Variants in GREB1 observed in about 807,000 individuals in gnomAD.
The protein encoded by GREB1 is protein GREB1.
GREB1 carries 106 observed loss-of-function variants against 200.7 expected under a neutral mutation model. The observed-to-expected ratio is 0.53, with a 90% CI of 0.45 to 0.62. The LOEUF (loss-of-function observed/expected upper bound fraction) is 0.62, where lower values mean the gene tolerates loss of function less well. GREB1 is among the 20% of genes least tolerant of loss of function. The probability of loss-of-function intolerance (pLI) is 0.00; values close to 1 mark genes in which losing one functional copy is unlikely to be tolerated. For synonymous variants in GREB1, 1,132 were observed against 1,092.4 expected (o/e 1.04, Z -0.72); for missense variants, 2,243 against 2,556.8 (o/e 0.88, Z 2.65).
intron 1 of GREB1, among the ~76,000 whole-genome samples, chr2:11,535,760 A>G (rs973294275): frequency 2.0e-5 from 3 of 152,104 alleles, no homozygotes; most frequent in African/African-American, 7.2e-5. Flanking sequence ...ACGAGTATAG[A>G]AAAAGGTTGC....
intron 16 of GREB1, among the ~76,000 whole-genome samples, chr2:11,601,905 C>G (rs1238557004): frequency 1.3e-5 from 2 of 152,308 alleles, no homozygotes; most frequent in Middle Eastern, 6.8e-3. Context: ...CGGCCCTTAA[C>G]CACTGTGCTA....
chr2:11,552,295 C>T (rs528435032), intron 1 of GREB1, among the ~76,000 whole-genome samples: 129 of 152,312 alleles, frequency 8.5e-4, no homozygotes, highest in Admixed American at 1.9e-3. Context: ...TGTGTTAGGG[C>T]GTGGAAGAAA....
At chr2:11,571,793 C>T (rs1678324237) in intron 4 of GREB1, among the ~76,000 whole-genome samples, 1 of 152,144 alleles carries the variant, frequency 6.6e-6, no homozygotes, top group Non-Finnish European at 1.5e-5. Context: ...TCACTGCAAG[C>T]TCCACCTCCT....
chr2:11,545,454 C>T (rs1190815642), intron 1 of GREB1, among the ~76,000 whole-genome samples: 1 of 152,152 alleles, frequency 6.6e-6, no homozygotes, highest in African/African-American at 2.4e-5. Context: ...TCTATGGCAG[C>T]TCCCCTTTTG....
chr2:11,516,311 GGT>G (rs60141733), intron 1 of GREB1, among the ~76,000 whole-genome samples: 15,037 of 143,400 alleles, frequency 0.1, 941 homozygotes, highest in African/African-American at 0.19. Context: ...TTTTCCTGCA[GGT>G]GTGTGTGTGT....
At chr2:11,557,927 G>GT (rs1205821301) in intron 2 of GREB1, among the ~76,000 whole-genome samples, 1 of 152,166 alleles carries the variant, frequency 6.6e-6, no homozygotes, top group African/African-American at 2.4e-5. Context: ...TTTATGGACT[G>GT]TTTTTGGCCA....
At chr2:11,517,730 C>A (rs1486181634) in intron 1 of GREB1, among the ~76,000 whole-genome samples, 1 of 152,152 alleles carries the variant, frequency 6.6e-6, no homozygotes, top group Non-Finnish European at 1.5e-5. Flanking sequence ...CGGCTCACTG[C>A]AAGCTCCGCC....
rs10202970 is a variant in GREB1 at position 11,617,792 on chromosome 2, C to T, written c.3413-496C>T. On this transcript the variant is annotated intron_variant, in intron 21 of 32. Transcript: ENST00000381486. Reference sequence around the variant, plus strand: ...AGAGTCCCTGCTGTTTGGTCTGGGACGGGGAAAGGTCAGAGGTCAGGGCCC... The same window carrying T: ...AGAGTCCCTGCTGTTTGGTCTGGGATGGGGAAAGGTCAGAGGTCAGGGCCC... 6.1e-3 allele frequency among the ~76,000 whole-genome samples: 934 copies of T among 152,192 alleles called. 11 individuals carry two copies. Among genetic ancestry groups the T allele is most frequent in the African/African-American group, 0.021 (887 of 41,522 alleles).
chr2:11,582,604 CAT>C (rs1285771673), intron 7 of GREB1, among the ~76,000 whole-genome samples: 4 of 152,250 alleles, frequency 2.6e-5, no homozygotes, highest in Non-Finnish European at 1.5e-5. Flanking sequence ...CCCGCAGCCA[CAT>C]GTGGCCATCG....
rs1684759818 is a variant in GREB1 at position 11,629,997 on chromosome 2, G to A, written c.4499G>A (p.Gly1500Glu). 6.2e-7 allele frequency: 1 copy of A among 1,614,074 alleles called. No individual in the cohort carries two copies. Among genetic ancestry groups the A allele is most frequent in the African/African-American group, 1.3e-5 (1 of 74,924 alleles). ...HAFAFSYSML[G>E]EEIQLHFIIP... ...TTTGCCTTCTCTTACTCCATGCTAG[G>A]AGAGGAGATCCAGCTGCACTTCATC... The change falls in exon 26 of 33, where the codon GGA becomes GAA. Residue 1500 changes from glycine (G) to glutamate (E), a missense_variant. This residue lies in a region of GREB1 where 478 missense variants were observed against 616.3 expected (regional missense o/e 0.78). Transcript: ENST00000381486. This position sits in a 1 kb window ranked among gnomAD's most constrained non-coding sequence, Gnocchi z 5.2.
At chr2:11,589,480 A>G (rs2358039) in intron 10 of GREB1, among the ~76,000 whole-genome samples, 37,848 of 152,066 alleles carry the variant, frequency 0.25, 5,843 homozygotes, top group Admixed American at 0.4. Flanking sequence ...TGGAGAGGCC[A>G]GCGTAGCTGT....
chr2:11,558,757 G>A (rs896473970), intron 2 of GREB1, among the ~76,000 whole-genome samples: 1 of 152,106 alleles, frequency 6.6e-6, no homozygotes, highest in Admixed American at 6.6e-5. Context: ...TCTGTTTGTC[G>A]GGGTTTCTTA....
At chr2:11,584,168 G>A (rs902942928) in intron 7 of GREB1, among the ~76,000 whole-genome samples, 1 of 152,150 alleles carries the variant, frequency 6.6e-6, no homozygotes, top group Non-Finnish European at 1.5e-5. Context: ...AAAGTTTCCC[G>A]GTTGAGTTTA....
chr2:11,606,871 CT>C (rs1558623717), intron 17 of GREB1, among the ~76,000 whole-genome samples: 1 of 151,708 alleles, frequency 6.6e-6, no homozygotes, highest in Non-Finnish European at 1.5e-5. Context: ...AAACCTCTGC[CT>C]CCCGGGTTCA....
chr2:11,621,641 A>G (rs1326511192), intron 23 of GREB1, among the ~76,000 whole-genome samples: 1 of 152,148 alleles, frequency 6.6e-6, no homozygotes, highest in Non-Finnish European at 1.5e-5. Context: ...GGTCTGGTCA[A>G]TGAATCTGCT....
intron 1 of GREB1, among the ~76,000 whole-genome samples, chr2:11,527,753 G>A (rs1427143916): frequency 3.3e-5 from 5 of 152,176 alleles, no homozygotes; most frequent in Non-Finnish European, 7.3e-5. Flanking sequence ...GGTCCTACGG[G>A]AAGACAGACA....
chr2:11,625,416 T>C, intron 24 of GREB1, 104 bp downstream of exon 24: 1 of 1,089,138 alleles, frequency 9.2e-7, no homozygotes, highest in African/African-American at 1.5e-5. Flanking sequence ...GGTGATGAAT[T>C]AACCTGCCAT....
At chr2:11,607,458 GTGTATATA>G (rs1372598620) in intron 17 of GREB1, among the ~76,000 whole-genome samples, 2 of 44,356 alleles carry the variant, frequency 4.5e-5, no homozygotes, top group African/African-American at 9.5e-5. Flanking sequence ...GTGTGTGTGT[GTGTATATA>G]TATATACACA....
chr2:11,516,333 T>TGTGC (rs1444810138), intron 1 of GREB1, among the ~76,000 whole-genome samples: 1 of 151,942 alleles, frequency 6.6e-6, no homozygotes, highest in Non-Finnish European at 1.5e-5. Flanking sequence ...TGTGTGTGTG[T>TGTGC]GTGTGTGTGT....
Sources: allele counts gnomAD v4.1 joint callset (sites outside exome capture counted in the v4.1 genomes callset), GRCh38; gene constraint gnomAD v4.1.1; regional missense constraint gnomAD v4.1.1; non-coding constraint Gnocchi (gnomAD v3.1); transcripts MANE v1.5; gene names NCBI Gene and HGNC (gene_info 2026-07-23, HGNC 2026-07-21).